Variants in ALAS1 observed in about 807,000 individuals in gnomAD.
ALAS1 encodes the protein 5-aminolevulinate synthase, non-specific, mitochondrial.
A neutral mutation model predicts 59.6 loss-of-function variants in ALAS1; 29 were observed. The ratio of observed to expected loss-of-function variants is 0.49; its 90% CI spans 0.36 to 0.66. The LOEUF is 0.66. Ranked by LOEUF, ALAS1 falls within the 30% of genes least tolerant of loss-of-function variation. The pLI is 0.00. For missense variants in ALAS1, 690 were observed against 807.5 expected (o/e 0.85, Z 1.76); for synonymous variants, 299 against 296.6 (o/e 1.01, Z -0.08).
At chr3:52,206,893 G>GA in intron 8 of ALAS1, 142 bp downstream of exon 8, 3 of 897,110 alleles carry the variant, frequency 3.3e-6, no homozygotes, top group South Asian at 1.8e-5. Context: ...GGAGTGCAGT[G>GA]GTGCGATCTC....
Position 52,208,064 on chromosome 3 carries a change from G to A in ALAS1, c.1166-19G>A. The A allele has an allele frequency of 2.0e-6, 3 of 1,535,024 alleles. No homozygotes were observed. Among genetic ancestry groups the A allele is most frequent in the Non-Finnish European group, 2.6e-6 (3 of 1,145,184 alleles). On this transcript the variant is annotated intron_variant, in intron 8 of 11. Coordinates refer to ENST00000484952, the MANE Select transcript of ALAS1 (RefSeq NM_000688.6). Reference sequence around the variant, plus strand: ...GAAGCGGCAAAAGCTCTTCAGAGCAGTCTCTGGTCTTTCCTCAGGGGCGGT... The same window carrying A: ...GAAGCGGCAAAAGCTCTTCAGAGCAATCTCTGGTCTTTCCTCAGGGGCGGT...
intron 3 of ALAS1, among the ~76,000 whole-genome samples, chr3:52,199,773 T>C (rs1699150728): frequency 6.6e-6 from 1 of 152,266 alleles, no homozygotes; most frequent in South Asian, 2.1e-4. Flanking sequence ...ATTAAACATT[T>C]AGCCTTCTAA....
intron 3 of ALAS1, 45 bp downstream of exon 3, chr3:52,199,485 T>A (rs370967080): frequency 3.8e-6 from 6 of 1,576,490 alleles, no homozygotes; most frequent in Middle Eastern, 2.2e-4. Flanking sequence ...GTGTTTGTGC[T>A]CATTGGTAGA....
intron 4 of ALAS1, among the ~76,000 whole-genome samples, chr3:52,203,258 G>A (rs1232004827): frequency 6.6e-6 from 1 of 152,136 alleles, no homozygotes; most frequent in Non-Finnish European, 1.5e-5. Context: ...ATTGAGATTA[G>A]GACCAGGCCC....
chr3:52,213,884 T>G, intron 11 of ALAS1, 136 bp from the exon 12 acceptor site: 6 of 745,704 alleles, frequency 8.0e-6, no homozygotes, highest in Non-Finnish European at 1.1e-5. Flanking sequence ...TTGGTGGACA[T>G]TTGGTTGTTT....
At chr3:52,212,490 T>C (rs557683781) in intron 11 of ALAS1, 70 bp downstream of exon 11, 183 of 1,582,086 alleles carry the variant, frequency 1.2e-4, no homozygotes, top group Non-Finnish European at 1.4e-4. Context: ...GTGTTTATAA[T>C]TGAAGCCCTT....
chr3:52,207,206 T>A (rs548993998), intron 8 of ALAS1, among the ~76,000 whole-genome samples: 57 of 152,222 alleles, frequency 3.7e-4, no homozygotes, highest in Middle Eastern at 3.4e-3. Flanking sequence ...GGTTTCACCA[T>A]GTTAGCTAGG....
chr3:52,207,981 A>G, intron 8 of ALAS1, 102 bp from the exon 9 acceptor site: 1 of 1,197,556 alleles, frequency 8.4e-7, no homozygotes, highest in East Asian at 2.8e-5. Context: ...AATATTGAAA[A>G]TGATACCTTA....
intron 2 of ALAS1, 24 bp downstream of exon 2, chr3:52,198,872 A>C (rs1200091934): frequency 1.3e-6 from 2 of 1,535,500 alleles, no homozygotes; most frequent in Non-Finnish European, 1.7e-6. Flanking sequence ...TCTTATCTGC[A>C]CTGTGCATCT....
chr3:52,200,882 T>G (rs1339993126), intron 3 of ALAS1, among the ~76,000 whole-genome samples: 2 of 152,180 alleles, frequency 1.3e-5, no homozygotes, highest in Non-Finnish European at 2.9e-5. Flanking sequence ...AAAATAAGTT[T>G]TTTTTTTCTT....
In ALAS1 at chr3:52,204,680, G is replaced by A; in HGVS notation, c.578-13G>A. The A allele has an allele frequency of 6.2e-7, 1 of 1,609,242 alleles. No individual in the cohort carries two copies. The highest frequency in any genetic ancestry group is 2.2e-5 in the East Asian group (1 of 44,840). On this transcript the variant is annotated splice_polypyrimidine_tract_variant and intron_variant, in intron 5 of 11. Transcript: ENST00000484952. ...CAACCACCATTCTGTACTGTCTTTT[G>A]TTCAATTTTTAGCTGTTTCCACTTT... is the stretch of plus-strand genomic sequence containing the variant.
At position 52,206,712 on chromosome 3, in the gene ALAS1, C is replaced by T; in HGVS notation, c.1126C>T (p.Pro376Ser). ...ELLQRSDPSV[P>S]KIVAFETVHS... is the part of the protein sequence containing the mutation. ...GCTGCAAAGATCTGACCCCTCAGTC[C>T]CCAAGATTGTGGCATTTGAAACTGT... Residue 376 changes from proline to serine, a missense_variant, in exon 8 of 12, where the codon CCC becomes TCC. Pro to Ser is a moderately conservative substitution (Grantham distance 74). Coordinates refer to ENST00000484952, the MANE Select transcript of ALAS1 (RefSeq NM_000688.6). The T allele has an allele frequency of 6.2e-7, 1 of 1,614,162 alleles. No individual in the cohort carries two copies. Among genetic ancestry groups the T allele is most frequent in the African/African-American group, 1.3e-5 (1 of 75,022 alleles).
At chr3:52,212,622 C>T (rs1202540053) in intron 11 of ALAS1, 5 of 586,524 alleles carry the variant, frequency 8.5e-6, no homozygotes, top group African/African-American at 1.9e-5. Flanking sequence ...ACCCCTGCCT[C>T]CCAGGTTCAA....
intron 11 of ALAS1, 181 bp downstream of exon 11, chr3:52,212,601 G>A (rs1303543660): frequency 1.6e-5 from 11 of 699,394 alleles, no homozygotes; most frequent in Non-Finnish European, 1.9e-5. Flanking sequence ...GCACAATCTC[G>A]GCTCACCGCA....
intron 9 of ALAS1, 81 bp from the exon 10 acceptor site, chr3:52,211,202 T>C: frequency 6.6e-7 from 1 of 1,513,712 alleles, no homozygotes; most frequent in Non-Finnish European, 9.0e-7. Flanking sequence ...GTCAGTGCTT[T>C]GAGGCTCCAC....
rs1699299114 is a variant in ALAS1 at position 52,206,749 on chromosome 3, A to C, written c.1163A>C (p.Asp388Ala). The C allele has an allele frequency of 1.9e-6, 3 of 1,613,854 alleles. No homozygotes were observed. In the African/African-American group the frequency reaches 4.0e-5, roughly 22 times the overall value. Reference sequence around the variant, plus strand: ...GCATTTGAAACTGTCCATTCAATGGATGGTAAGTGTGGATAGAGGTTCCTC... The same window carrying C: ...GCATTTGAAACTGTCCATTCAATGGCTGGTAAGTGTGGATAGAGGTTCCTC... Reference protein sequence around the residue: ...IVAFETVHSMDGAVCPLEELC... With the variant: ...IVAFETVHSMAGAVCPLEELC... Residue 388 changes from aspartate (D) to alanine (A), a missense_variant and splice_region_variant, in exon 8 of 12, where the codon GAT becomes GCT. Transcript: ENST00000484952.
At chr3:52,199,512 C>CCACTGTGGGG in intron 3 of ALAS1, 72 bp downstream of exon 3, 1 of 1,444,084 alleles carries the variant, frequency 6.9e-7, no homozygotes, top group Non-Finnish European at 9.5e-7. Context: ...GCAGTCCCCA[C>CCACTGTGGGG]AGTGGTGGTG....
chr3:52,210,899 C>G (rs897400155), intron 9 of ALAS1, among the ~76,000 whole-genome samples: 23 of 152,162 alleles, frequency 1.5e-4, no homozygotes, highest in African/African-American at 5.6e-4. Flanking sequence ...ATAGAGTGTA[C>G]TTACATAAAC....
intron 9 of ALAS1, 26 bp downstream of exon 9, chr3:52,208,273 C>CT: frequency 6.2e-7 from 1 of 1,610,152 alleles, no homozygotes; most frequent in Non-Finnish European, 8.5e-7. Context: ...ATTACATACA[C>CT]TAAAATTCCA....
Sources: allele counts gnomAD v4.1 joint callset (sites outside exome capture counted in the v4.1 genomes callset), GRCh38; gene constraint gnomAD v4.1.1; transcripts MANE v1.5; gene names NCBI Gene and HGNC (gene_info 2026-07-23, HGNC 2026-07-21).